ATP8B1: variants seen among roughly 807,000 people sequenced by gnomAD.
The protein encoded by ATP8B1 is ATPase phospholipid transporting 8B1.
A neutral mutation model predicts 149.9 loss-of-function variants in ATP8B1; 80 were observed. The observed-to-expected ratio is 0.53, with a 90% CI of 0.45 to 0.64. The LOEUF is 0.64. ATP8B1 is among the 30% of genes least tolerant of loss of function. The pLI is 0.00. For synonymous variants in ATP8B1, 536 were observed against 562.8 expected (o/e 0.95, Z 0.67); for missense variants, 1,247 against 1,552.6 (o/e 0.80, Z 3.31).
intron 15 of ATP8B1, among the ~76,000 whole-genome samples, chr18:57,675,641 C>CT (rs1441661836): frequency 2.6e-5 from 4 of 152,160 alleles, no homozygotes; most frequent in African/African-American, 9.7e-5. Context: ...CCAAGTGATC[C>CT]TTCTGCCTCA....
chr18:57,754,027 T>G (rs1238767473), intron 1 of ATP8B1, among the ~76,000 whole-genome samples: 1 of 150,830 alleles, frequency 6.6e-6, no homozygotes, highest in African/African-American at 2.5e-5. Context: ...TATAATGTTT[T>G]ATGAGTCAGG....
At chr18:57,691,724 G>A in intron 12 of ATP8B1, 83 bp downstream of exon 12, 4 of 1,498,128 alleles carry the variant, frequency 2.7e-6, no homozygotes, top group Non-Finnish European at 2.7e-6. Flanking sequence ...TTGAAACAGT[G>A]ATCACTAGAA....
chr18:57,665,464 T>C (rs1245627928), intron 20 of ATP8B1, among the ~76,000 whole-genome samples: 7 of 152,030 alleles, frequency 4.6e-5, no homozygotes, highest in Non-Finnish European at 8.8e-5. Context: ...CTACAAAAAA[T>C]AAACAAAGCC....
rs576725748 is a variant in ATP8B1 at position 57,708,814 on chromosome 18, T to A, written c.182-2227A>T. Among the ~76,000 whole-genome samples the A allele has an allele frequency of 2.4e-4, 36 of 152,278 alleles. No individual in the cohort carries two copies. The South Asian group carries it at 4.2e-3, about 18-fold the overall frequency. ...CCATCCCCCTTGTGGCTCTATAAAT[T>A]TGCTTCATAATTAAGCCACCAGCTG... On this transcript the variant is annotated intron_variant, in intron 2 of 27. Transcript: ENST00000648908.
chr18:57,779,951 T>C (rs1005744436), intron 1 of ATP8B1, among the ~76,000 whole-genome samples: 2 of 151,060 alleles, frequency 1.3e-5, no homozygotes, highest in African/African-American at 4.9e-5. Context: ...CATAGGTAAA[T>C]TAACAGTTAT....
At chr18:57,706,225 A>T (rs572600929) in intron 3 of ATP8B1, among the ~76,000 whole-genome samples, 1 of 152,206 alleles carries the variant, frequency 6.6e-6, no homozygotes, top group Admixed American at 6.5e-5. Flanking sequence ...ATATTCTTTC[A>T]TAAAACATTT....
At chr18:57,651,980 C>G (rs1270822631) in intron 26 of ATP8B1, 54 bp downstream of exon 26, 2 of 1,575,970 alleles carry the variant, frequency 1.3e-6, no homozygotes, top group Non-Finnish European at 1.7e-6. Context: ...ATGTCAAAAT[C>G]TAAACTAATG....
intron 15 of ATP8B1, among the ~76,000 whole-genome samples, chr18:57,682,208 G>A (rs1300582778): frequency 4.6e-5 from 7 of 152,150 alleles, no homozygotes; most frequent in Non-Finnish European, 1.0e-4. Context: ...GTTTCACCAT[G>A]TTGGCCAGGC....
At chr18:57,708,017 G>C (rs1468608772) in intron 2 of ATP8B1, among the ~76,000 whole-genome samples, 1 of 151,304 alleles carries the variant, frequency 6.6e-6, no homozygotes, top group Non-Finnish European at 1.5e-5. Flanking sequence ...AAGTAATGGG[G>C]CATGGTGGTG....
chr18:57,737,299 T>C (rs2079867679), intron 1 of ATP8B1, among the ~76,000 whole-genome samples: 1 of 152,084 alleles, frequency 6.6e-6, no homozygotes, highest in Non-Finnish European at 1.5e-5. Context: ...GCTGTACCAT[T>C]GGAGAATTTT....
intron 16 of ATP8B1, among the ~76,000 whole-genome samples, chr18:57,673,574 A>T (rs1430189476): frequency 1.3e-5 from 2 of 151,766 alleles, no homozygotes; most frequent in African/African-American, 4.8e-5. Flanking sequence ...ATTTACTCTC[A>T]AATGGTTCAG....
intron 1 of ATP8B1, among the ~76,000 whole-genome samples, chr18:57,775,179 T>C (rs1206635987): frequency 6.6e-6 from 1 of 152,056 alleles, no homozygotes; most frequent in East Asian, 1.9e-4. Context: ...TAGTTGGGCG[T>C]GGTGGCATGT....
intron 1 of ATP8B1, among the ~76,000 whole-genome samples, chr18:57,749,229 A>G (rs1163497532): frequency 1.3e-5 from 2 of 152,214 alleles, no homozygotes; most frequent in East Asian, 3.8e-4. Flanking sequence ...CTTGGGTTTG[A>G]TTGAGCAATG....
chr18:57,761,217 A>G (rs1378348028), intron 1 of ATP8B1, among the ~76,000 whole-genome samples: 1 of 152,150 alleles, frequency 6.6e-6, no homozygotes, highest in Admixed American at 6.5e-5. Context: ...CTGGGATTAT[A>G]GGCGTGAGCC....
At chr18:57,746,467 CTTTTTTTTTT>C (rs71171082) in intron 1 of ATP8B1, among the ~76,000 whole-genome samples, 2 of 94,102 alleles carry the variant, frequency 2.1e-5, no homozygotes, top group Non-Finnish European at 4.0e-5. Flanking sequence ...CTGATGCTTA[CTTTTTTTTTT>C]TTTTTTTTTT....
chr18:57,663,183 C>A (rs999745748), intron 20 of ATP8B1, among the ~76,000 whole-genome samples: 2 of 152,112 alleles, frequency 1.3e-5, no homozygotes, highest in South Asian at 4.1e-4. Flanking sequence ...TGAAATCAAA[C>A]AGTATTTGTC....
intron 1 of ATP8B1, among the ~76,000 whole-genome samples, chr18:57,759,776 G>A (rs542701605): frequency 2.0e-5 from 3 of 150,904 alleles, no homozygotes; most frequent in African/African-American, 4.9e-5. Context: ...CAAAAATTGC[G>A]CCACTGCACT....
At chr18:57,776,087 T>G (rs139873784) in intron 1 of ATP8B1, among the ~76,000 whole-genome samples, 1 of 152,322 alleles carries the variant, frequency 6.6e-6, no homozygotes, top group Non-Finnish European at 1.5e-5. Context: ...CCATCATCAT[T>G]TGTTGGCTGC....
chr18:57,664,917 AAAG>A lies in ATP8B1; in HGVS notation c.2285+2172_2285+2174del, dbSNP rs1311604374. On this transcript the variant is annotated intron_variant, in intron 20 of 27. Coordinates refer to ENST00000648908, the MANE Select transcript of ATP8B1 (RefSeq NM_001374385.1). ...AAAAAGCCATTGTTCTTCTCCTTCC[AAAG>A]AAGGCTTCTCAGCCTTTGCACTCTT... Among the ~76,000 whole-genome samples, 3 of 152,180 alleles carry A rather than the reference AAAG, an allele frequency of 2.0e-5. No individual in the cohort carries two copies. The East Asian group carries it at 5.8e-4, about 29-fold the overall frequency.
Sources: gnomAD v4.1 joint callset for allele counts (sites outside exome capture counted in the v4.1 genomes callset) on GRCh38, gnomAD v4.1.1 for gene constraint, MANE v1.5 for transcripts, NCBI Gene and HGNC (gene_info 2026-07-23, HGNC 2026-07-21) for gene names.